The following ATXN1 variants were observed in gnomAD, a reference collection of about 807,000 sequenced individuals.
ATXN1 encodes ataxin 1.
ATXN1 carries 8 observed loss-of-function variants against 56.4 expected under a neutral mutation model. The observed-to-expected ratio is 0.14, with a 90% CI of 0.08 to 0.26. The LOEUF (loss-of-function observed/expected upper bound fraction) is 0.26, where lower values mean the gene tolerates loss of function less well. Among genes scored for constraint, ATXN1 ranks in the 10% least tolerant of loss-of-function variants. ATXN1 has a pLI of 1.00. For synonymous variants in ATXN1, 514 were observed against 494.6 expected (o/e 1.04, Z -0.52); for missense variants, 987 against 1,106.5 (o/e 0.89, Z 1.53).
At chr6:16,499,692 T>C (rs1443282833) in intron 5 of ATXN1, among the ~76,000 whole-genome samples, 1 of 152,186 alleles carries the variant, frequency 6.6e-6, no homozygotes, top group Non-Finnish European at 1.5e-5. Flanking sequence ...GAAAACTTAA[T>C]AAACTAATTC....
chr6:16,628,443 A>G (rs1252246065), intron 3 of ATXN1, among the ~76,000 whole-genome samples: 1 of 152,194 alleles, frequency 6.6e-6, no homozygotes, highest in Non-Finnish European at 1.5e-5. Flanking sequence ...ATGCATTAGG[A>G]TAGTCTTTAA....
chr6:16,618,212 T>C (rs1052858192), intron 3 of ATXN1, among the ~76,000 whole-genome samples: 2 of 151,932 alleles, frequency 1.3e-5, no homozygotes, highest in East Asian at 1.9e-4. Context: ...GAGTTTAACA[T>C]TGAGAACACA....
intron 6 of ATXN1, among the ~76,000 whole-genome samples, chr6:16,373,888 A>G (rs1762095404): frequency 6.6e-6 from 1 of 152,122 alleles, no homozygotes; most frequent in African/African-American, 2.4e-5. Context: ...ATCACACCCA[A>G]ATTAGACCTG....
At chr6:16,604,502 A>G (rs1762967477) in intron 3 of ATXN1, among the ~76,000 whole-genome samples, 1 of 152,056 alleles carries the variant, frequency 6.6e-6, no homozygotes, top group Non-Finnish European at 1.5e-5. Flanking sequence ...CTGTATCTAA[A>G]AAAAAGAAAA....
At chr6:16,374,744 G>C (rs1291384076) in intron 6 of ATXN1, among the ~76,000 whole-genome samples, 1 of 152,180 alleles carries the variant, frequency 6.6e-6, no homozygotes, top group Non-Finnish European at 1.5e-5. Flanking sequence ...TGGGATGAAA[G>C]AAGAAAGCCC....
At chr6:16,665,328 C>T (rs1052613344) in intron 2 of ATXN1, among the ~76,000 whole-genome samples, 1 of 152,122 alleles carries the variant, frequency 6.6e-6, no homozygotes, top group African/African-American at 2.4e-5. Flanking sequence ...TAACATCATA[C>T]CCTGGTCATT....
chr6:16,499,630 C>T (rs554458333), intron 5 of ATXN1, among the ~76,000 whole-genome samples: 2 of 152,260 alleles, frequency 1.3e-5, no homozygotes, highest in South Asian at 4.1e-4. Flanking sequence ...ATCCACAGAC[C>T]TCTGTTCTCT....
chr6:16,644,661 G>A (rs1392733056), intron 3 of ATXN1, among the ~76,000 whole-genome samples: 1 of 151,552 alleles, frequency 6.6e-6, no homozygotes, highest in East Asian at 1.9e-4. Context: ...GGTATCTGAT[G>A]GATAGCCTGG....
At chr6:16,399,705 G>A (rs1016467341) in intron 6 of ATXN1, among the ~76,000 whole-genome samples, 28 of 152,242 alleles carry the variant, frequency 1.8e-4, no homozygotes, top group African/African-American at 6.7e-4. Flanking sequence ...CAACTGCCGG[G>A]TGCTACCAGC....
chr6:16,658,396 G>A (rs767937857), intron 2 of ATXN1, among the ~76,000 whole-genome samples: 2 of 152,160 alleles, frequency 1.3e-5, no homozygotes, highest in Non-Finnish European at 2.9e-5. Context: ...ATAAGAGAGA[G>A]AACATTTTCC....
chr6:16,646,574 T>C (rs1234558305), intron 3 of ATXN1, among the ~76,000 whole-genome samples: 1 of 152,240 alleles, frequency 6.6e-6, no homozygotes, highest in Non-Finnish European at 1.5e-5. Context: ...GGGCTCAAAC[T>C]GGTCCACAGC....
intron 6 of ATXN1, among the ~76,000 whole-genome samples, chr6:16,423,442 T>G (rs77039792): frequency 0.029 from 4,414 of 152,236 alleles, 68 homozygotes; most frequent in Non-Finnish European, 0.036. Flanking sequence ...GCTCCTAACA[T>G]CTCAGATACC....
At chr6:16,575,181 A>T (rs902971742) in intron 4 of ATXN1, among the ~76,000 whole-genome samples, 4 of 152,106 alleles carry the variant, frequency 2.6e-5, no homozygotes, top group African/African-American at 9.7e-5. Flanking sequence ...TGTAATTACT[A>T]AATGTTTGGG....
chr6:16,669,901 T>C (rs1348258704), intron 2 of ATXN1, among the ~76,000 whole-genome samples: 4 of 152,090 alleles, frequency 2.6e-5, no homozygotes, highest in Middle Eastern at 3.2e-3. Flanking sequence ...CACATTCACA[T>C]TGGTGATGTC....
chr6:16,438,260 C>T (rs1320751210), intron 6 of ATXN1, among the ~76,000 whole-genome samples: 1 of 152,160 alleles, frequency 6.6e-6, no homozygotes, highest in Non-Finnish European at 1.5e-5. Flanking sequence ...TGGTCCATGG[C>T]CCAGGGGTTG....
At chr6:16,553,789 T>C (rs1382457786) in intron 4 of ATXN1, among the ~76,000 whole-genome samples, 1 of 152,182 alleles carries the variant, frequency 6.6e-6, no homozygotes, top group African/African-American at 2.4e-5. Flanking sequence ...TAGGAATGTG[T>C]CACGCCCCTA....
At chr6:16,499,578 CT>C (rs1417461441) in intron 5 of ATXN1, among the ~76,000 whole-genome samples, 5 of 152,206 alleles carry the variant, frequency 3.3e-5, no homozygotes, top group African/African-American at 1.2e-4. Flanking sequence ...GCATTTGCCT[CT>C]GTGTTTGTGC....
At chr6:16,500,760 AC>A (rs1259852518) in intron 5 of ATXN1, among the ~76,000 whole-genome samples, 1,740 of 140,558 alleles carry the variant, frequency 0.012, 58 homozygotes, top group East Asian at 0.091. Context: ...AAAAAAAAAA[AC>A]ATTGAGGAAA....
intron 6 of ATXN1, among the ~76,000 whole-genome samples, chr6:16,480,983 A>C (rs1363923898): frequency 1.3e-5 from 2 of 152,178 alleles, no homozygotes; most frequent in African/African-American, 4.8e-5. Flanking sequence ...GCCCATCCCA[A>C]ATAACACACC....
Sources: gnomAD v4.1 joint callset for allele counts (sites outside exome capture counted in the v4.1 genomes callset) on GRCh38, gnomAD v4.1.1 for gene constraint, MANE v1.5 for transcripts, NCBI Gene and HGNC (gene_info 2026-07-23, HGNC 2026-07-21) for gene names.